KMT2C: variants seen among roughly 807,000 people sequenced by gnomAD.
The protein encoded by KMT2C is lysine methyltransferase 2C, also known as histone-lysine N-methyltransferase 2C.
KMT2C carries 88 observed loss-of-function variants against 507.9 expected under a neutral mutation model. That is an observed-to-expected ratio of 0.17 (90% CI 0.15 to 0.21). The LOEUF (loss-of-function observed/expected upper bound fraction) is 0.21. KMT2C is among the 10% of genes least tolerant of loss of function. KMT2C has a pLI of 1.00. For synonymous variants in KMT2C, 2,049 were observed against 2,080.8 expected (o/e 0.98, Z 0.42); for missense variants, 4,954 against 5,957.8 (o/e 0.83, Z 5.55).
rs1219428561 is a variant in KMT2C, at chr7:152,163,027, G to C, written c.10550C>G (p.Pro3517Arg). ...RRQVGPPSFV[P>R]DSPSIPVGSP... ...TCCAACAGGGATTGATGGTGAATCAGGAACAAATGAAGGAGGGCCTACCTG... is the reference window on the plus strand; with the variant it reads ...TCCAACAGGGATTGATGGTGAATCACGAACAAATGAAGGAGGGCCTACCTG... Residue 3517 changes from proline (P) to arginine (R), a missense_variant, in exon 43 of 59, where the codon CCT (proline) becomes CGT (arginine). Coordinates refer to ENST00000262189, the MANE Select transcript of KMT2C (RefSeq NM_170606.3). 10 of 1,614,076 alleles carry C rather than the reference G, an allele frequency of 6.2e-6. No individual in the cohort carries two copies. The highest frequency in any genetic ancestry group is 1.3e-5 in the African/African-American group (1 of 74,922).
chr7:152,423,865 ATAAAC>A (rs2097794103), intron 1 of KMT2C, among the ~76,000 whole-genome samples: 1 of 152,162 alleles, frequency 6.6e-6, no homozygotes, highest in African/African-American at 2.4e-5. Flanking sequence ...AAATAAATAA[ATAAAC>A]TATATCCTTT....
At position 152,377,722 on chromosome 7, in the gene KMT2C, G is replaced by A. The variant is rs959062614; in HGVS notation, c.162-19047C>T. Among the ~76,000 whole-genome samples the A allele has an allele frequency of 5.0e-5, 7 of 139,910 alleles. No individual in the cohort carries two copies. The South Asian group carries it at 8.8e-4, about 18-fold the overall frequency. The allele number at this position is 139,910 out of a possible 152,430, so 91.8% of individuals were successfully genotyped here. ...TGCACTCCAGCCAGGGCGACAAAGCGAGACTCCGTCTCAAAAAAAAAAAAA... is the reference window on the plus strand; with the variant it reads ...TGCACTCCAGCCAGGGCGACAAAGCAAGACTCCGTCTCAAAAAAAAAAAAA... On this transcript the variant is annotated intron_variant, in intron 1 of 58. Transcript: ENST00000262189.
intron 2 of KMT2C, among the ~76,000 whole-genome samples, chr7:152,347,415 A>G (rs531002938): frequency 1.7e-4 from 26 of 152,342 alleles, no homozygotes; most frequent in African/African-American, 6.3e-4. Flanking sequence ...TGAAAGATAC[A>G]TGAGAAGCGC....
chr7:152,253,324 A>G (rs1310757122), intron 9 of KMT2C, among the ~76,000 whole-genome samples: 2 of 151,954 alleles, frequency 1.3e-5, no homozygotes, highest in East Asian at 1.9e-4. Context: ...AAAAAAAGAA[A>G]CATATGCTAG....
chr7:152,421,708 G>A (rs2097778246), intron 1 of KMT2C, among the ~76,000 whole-genome samples: 1 of 152,142 alleles, frequency 6.6e-6, no homozygotes, highest in African/African-American at 2.4e-5. Flanking sequence ...GACACAGAGG[G>A]GACCAAGAGA....
At chr7:152,198,525 G>A (rs2094032882) in intron 27 of KMT2C, among the ~76,000 whole-genome samples, 1 of 152,194 alleles carries the variant, frequency 6.6e-6, no homozygotes, top group African/African-American at 2.4e-5. Flanking sequence ...AACCATAGGG[G>A]AGAAGTGGGA....
In KMT2C at chr7:152,381,386, A is replaced by G. The variant is rs566683383; in HGVS notation, c.162-22711T>C. Among the ~76,000 whole-genome samples, 10 of 152,160 alleles carry G rather than the reference A, an allele frequency of 6.6e-5. No homozygotes were observed. In the South Asian group the frequency reaches 1.9e-3, roughly 28 times the overall value. On this transcript the variant is annotated intron_variant, in intron 1 of 58. Transcript: ENST00000262189. Reference sequence around the variant, plus strand: ...GGGGGAGGGGTGCGGGTGTGCTACTATATCTAGCGGGTGGAGGCCAGGAAT... The same window carrying G: ...GGGGGAGGGGTGCGGGTGTGCTACTGTATCTAGCGGGTGGAGGCCAGGAAT...
At chr7:152,350,946 G>C (rs976282907) in intron 2 of KMT2C, among the ~76,000 whole-genome samples, 11 of 151,942 alleles carry the variant, frequency 7.2e-5, no homozygotes, top group African/African-American at 2.7e-4. Context: ...TTTGGTTTTA[G>C]GGTTTTTCTT....
Position 152,364,617 on chromosome 7 carries a change from A to AAAAAGAAAG in KMT2C, c.162-5943_162-5942insCTTTCTTTT, listed in dbSNP as rs56810754. On this transcript the variant is annotated intron_variant, in intron 1 of 58. Transcript: ENST00000262189. ...GAGCGAGACTCCGTCTCCAAAAAAA[A>AAAAAGAAAG]AAAGAAAAGAAAAAAAGAAAAAAAT... 3.2e-3 allele frequency among the ~76,000 whole-genome samples: 473 copies of AAAAAGAAAG among 150,008 alleles called. 10 individuals carry two copies. The East Asian group carries it at 0.036, about 11-fold the overall frequency.
At chr7:152,392,387 A>G (rs555310672) in intron 1 of KMT2C, among the ~76,000 whole-genome samples, 1 of 152,310 alleles carries the variant, frequency 6.6e-6, no homozygotes, top group East Asian at 1.9e-4. Flanking sequence ...CAGCTTTTAA[A>G]ATATATCCTC....
intron 1 of KMT2C, among the ~76,000 whole-genome samples, chr7:152,411,289 T>A (rs2097680491): frequency 1.3e-5 from 2 of 152,196 alleles, no homozygotes; most frequent in Admixed American, 1.3e-4. Context: ...TTGATAAGAC[T>A]TTCAGCTTCA....
intron 1 of KMT2C, among the ~76,000 whole-genome samples, chr7:152,388,728 T>G (rs1321475593): frequency 5.1e-5 from 1 of 19,478 alleles, no homozygotes; most frequent in Non-Finnish European, 2.3e-4. Flanking sequence ...GCTCAAATTT[T>G]ATGTTTTGGG....
intron 1 of KMT2C, among the ~76,000 whole-genome samples, chr7:152,406,823 G>A (rs71231725): frequency 2.5e-3 from 321 of 128,246 alleles, no homozygotes; most frequent in African/African-American, 8.8e-3. Context: ...GCCAAAAAAG[G>A]GTTTTTTTAT....
At chr7:152,412,016 A>G (rs957155298) in intron 1 of KMT2C, among the ~76,000 whole-genome samples, 15 of 152,292 alleles carry the variant, frequency 9.8e-5, no homozygotes, top group African/African-American at 2.9e-4. Context: ...ATGTGTATCA[A>G]GGATGTCCTA....
At chr7:152,156,421 TG>T (rs2092051012) in intron 44 of KMT2C, 75 bp from the exon 45 acceptor site, 6 of 1,551,020 alleles carry the variant, frequency 3.9e-6, no homozygotes, top group Non-Finnish European at 5.2e-6. Context: ...CGTAGTTCTG[TG>T]AATTTTTTGC....
chr7:152,333,187 C>A (rs904640451), intron 2 of KMT2C, among the ~76,000 whole-genome samples: 1 of 152,074 alleles, frequency 6.6e-6, no homozygotes, highest in African/African-American at 2.4e-5. Context: ...CACTCTGTCG[C>A]CCATGCTGGA....
chr7:152,168,148 G>GA (rs943133195), intron 41 of KMT2C, among the ~76,000 whole-genome samples: 39 of 143,432 alleles, frequency 2.7e-4, no homozygotes, highest in East Asian at 1.4e-3. Flanking sequence ...AGTCCAAGGG[G>GA]AAAAAAAAAA....
intron 43 of KMT2C, among the ~76,000 whole-genome samples, chr7:152,159,276 A>G (rs2092300904): frequency 6.6e-6 from 1 of 152,230 alleles, no homozygotes; most frequent in Non-Finnish European, 1.5e-5. Flanking sequence ...GGAAATCAGT[A>G]AGCTGCGAAG....
intron 1 of KMT2C, among the ~76,000 whole-genome samples, chr7:152,360,915 T>C (rs1308061216): frequency 6.8e-6 from 1 of 148,090 alleles, no homozygotes; most frequent in Non-Finnish European, 1.5e-5. Flanking sequence ...CTAAAAACTA[T>C]CAAAAAGTCG....
Sources: allele counts gnomAD v4.1 joint callset (sites outside exome capture counted in the v4.1 genomes callset), GRCh38; gene constraint gnomAD v4.1.1; transcripts MANE v1.5; gene names NCBI Gene and HGNC (gene_info 2026-07-23, HGNC 2026-07-21).